The following PKNOX2 variants were observed in gnomAD, a reference collection of about 807,000 sequenced individuals.
The protein encoded by PKNOX2 is PBX/knotted 1 homeobox 2, also known as homeobox protein PKNOX2.
A neutral mutation model predicts 53.1 loss-of-function variants in PKNOX2; 14 were observed. That is an observed-to-expected ratio of 0.26 (90% CI 0.17 to 0.41). PKNOX2 has a LOEUF of 0.41. Among genes scored for constraint, PKNOX2 ranks in the 10% least tolerant of loss-of-function variants. The probability of loss-of-function intolerance (pLI) is 1.00; values close to 1 mark genes in which losing one functional copy is unlikely to be tolerated. For synonymous variants in PKNOX2, 257 were observed against 242.8 expected (o/e 1.06, Z -0.54); for missense variants, 496 against 602.8 (o/e 0.82, Z 1.85).
intron 3 of PKNOX2, among the ~76,000 whole-genome samples, chr11:125,347,415 TTGGTCTAA>T (rs1951037682): frequency 6.6e-6 from 1 of 152,244 alleles, no homozygotes; most frequent in Admixed American, 6.5e-5. Context: ...GGAATGTTAA[TTGGTCTAA>T]TGGGTTTCAT....
chr11:125,407,956 G>A (rs1459294420), intron 7 of PKNOX2, among the ~76,000 whole-genome samples: 1 of 152,170 alleles, frequency 6.6e-6, no homozygotes, highest in African/African-American at 2.4e-5. Context: ...CCACAGAAGG[G>A]TGGTGACGAG....
At chr11:125,216,732 CCCTCCCT>C (rs1379461831) in intron 1 of PKNOX2, among the ~76,000 whole-genome samples, 1 of 152,136 alleles carries the variant, frequency 6.6e-6, no homozygotes, top group African/African-American at 2.4e-5. Flanking sequence ...GGTGCTTCCT[CCCTCCCT>C]CCTCCCTCCT....
chr11:125,372,149 C>G (rs1216241980), intron 5 of PKNOX2, among the ~76,000 whole-genome samples: 1 of 152,134 alleles, frequency 6.6e-6, no homozygotes, highest in East Asian at 1.9e-4. Flanking sequence ...CATAAATATA[C>G]CATAGTTCTA....
At chr11:125,213,704 C>A (rs1009464481) in intron 1 of PKNOX2, among the ~76,000 whole-genome samples, 1 of 152,104 alleles carries the variant, frequency 6.6e-6, no homozygotes, top group Non-Finnish European at 1.5e-5. Context: ...GTGATCTGCC[C>A]GCCATGGCCT....
chr11:125,262,190 G>C (rs547339960), intron 2 of PKNOX2, among the ~76,000 whole-genome samples: 2 of 152,206 alleles, frequency 1.3e-5, no homozygotes, highest in South Asian at 2.1e-4. Context: ...AAGAGTAGGG[G>C]CCAGACAGTG....
At position 125,369,686 on chromosome 11, in the gene PKNOX2, C is replaced by T. The variant is rs558310018; in HGVS notation, c.227+1701C>T. On this transcript the variant is annotated intron_variant, in intron 5 of 12. Coordinates refer to ENST00000298282, the MANE Select transcript of PKNOX2 (RefSeq NM_001382323.2). ...GGTGGAGAAATGGGGTAGGAGAGGA[C>T]CTTCCAGGACCAGCCAGTGGCCAGA... Among the ~76,000 whole-genome samples the T allele has an allele frequency of 5.1e-4, 77 of 152,246 alleles. 4 individuals are homozygous for T. The highest frequency in any genetic ancestry group is 2.4e-4 in the African/African-American group (10 of 41,546).
intron 7 of PKNOX2, among the ~76,000 whole-genome samples, chr11:125,408,556 T>C (rs1955261538): frequency 6.6e-6 from 1 of 152,176 alleles, no homozygotes; most frequent in Admixed American, 6.5e-5. Context: ...TGCTTATTTA[T>C]AGGAAATACT....
At chr11:125,382,528 A>C (rs556060802) in intron 5 of PKNOX2, among the ~76,000 whole-genome samples, 3 of 152,298 alleles carry the variant, frequency 2.0e-5, no homozygotes, top group Admixed American at 2.0e-4. Context: ...TAATTGATCT[A>C]GTGGCTGTTT....
At chr11:125,191,515 T>C (rs1956876348) in intron 1 of PKNOX2, 1 of 151,902 alleles carries the variant, frequency 6.6e-6, no homozygotes, top group Non-Finnish European at 1.5e-5. Flanking sequence ...GTGGTGGGGG[T>C]GGCGGGTCAG....
Position 125,430,089 on chromosome 11 carries a change from C to T in PKNOX2, c.1140C>T (p.Ile380=), listed in dbSNP as rs200196787. Reference sequence around the variant, plus strand: ...CCCAAAGATTCTGGCCCAACTCCATCGCTGCGGGGGTGCTGCAGCAGCAGG... The same window carrying T: ...CCCAAAGATTCTGGCCCAACTCCATTGCTGCGGGGGTGCTGCAGCAGCAGG... ...RPTQRFWPNS[I]AAGVLQQQGG... is the part of the protein sequence containing the mutation. Residue 380 remains isoleucine (I), a synonymous_variant, in exon 12 of 13, where the codon ATC becomes ATT. Transcript: ENST00000298282. The T allele has an allele frequency of 8.9e-5, 144 of 1,614,190 alleles. No individual in the cohort carries two copies. Among genetic ancestry groups the T allele is most frequent in the Middle Eastern group, 6.6e-4 (4 of 6,058 alleles).
intron 2 of PKNOX2, among the ~76,000 whole-genome samples, chr11:125,274,378 T>C (rs141000386): frequency 6.6e-6 from 1 of 152,218 alleles, no homozygotes; most frequent in Non-Finnish European, 1.5e-5. Context: ...GCTGAGGGGT[T>C]GTGTTCCCTC....
In PKNOX2 at chr11:125,178,676, A is replaced by AG. The variant is rs1398624429; in HGVS notation, c.-201+13900_-201+13901insG. Among the ~76,000 whole-genome samples, 3 of 98,860 alleles carry AG rather than the reference A, an allele frequency of 3.0e-5. No homozygotes were observed. In the East Asian group the frequency reaches 9.2e-4, roughly 30 times the overall value. The allele number at this position is 98,860 out of a possible 152,430, so 64.9% of individuals were successfully genotyped here. A position where few individuals can be genotyped will look rare whatever the true frequency, so the allele number is the denominator to read the frequency against. ...AAGGAAGGAAGGAAGGAAGGAAAGAAAGAGAGAGAGAGAGAGAGAGAGAAA... is the reference window on the plus strand; with the variant it reads ...AAGGAAGGAAGGAAGGAAGGAAAGAAGAGAGAGAGAGAGAGAGAGAGAGAAA... On this transcript the variant is annotated intron_variant, in intron 1 of 12. Transcript: ENST00000298282.
At chr11:125,379,055 C>CTTTTTTTTT (rs35310311) in intron 5 of PKNOX2, among the ~76,000 whole-genome samples, 1 of 124,442 alleles carries the variant, frequency 8.0e-6, no homozygotes. Flanking sequence ...TTTTCTTTCT[C>CTTTTTTTTT]TTTTTTTTTT....
chr11:125,402,305 G>T (rs1954800111), intron 7 of PKNOX2, among the ~76,000 whole-genome samples: 1 of 152,126 alleles, frequency 6.6e-6, no homozygotes, highest in Non-Finnish European at 1.5e-5. Context: ...CAGGCTTCTT[G>T]TGGGGGCAGG....
chr11:125,249,770 T>A (rs1266719683), intron 2 of PKNOX2, among the ~76,000 whole-genome samples: 1 of 152,114 alleles, frequency 6.6e-6, no homozygotes, highest in East Asian at 1.9e-4. Flanking sequence ...GGCGACAAAA[T>A]TAAAATAAAA....
chr11:125,398,163 G>C, intron 7 of PKNOX2, 101 bp downstream of exon 7: 1 of 1,266,760 alleles, frequency 7.9e-7, no homozygotes, highest in Admixed American at 2.6e-5. Context: ...CACTGGGTTA[G>C]ACCCACTGGG....
intron 3 of PKNOX2, among the ~76,000 whole-genome samples, chr11:125,343,865 A>G (rs2136169515): frequency 6.6e-6 from 1 of 152,010 alleles, no homozygotes; most frequent in African/African-American, 2.4e-5. Flanking sequence ...AAATAGCTGA[A>G]CTGGGGACTC....
At chr11:125,431,129 GC>G (rs748914798) in intron 12 of PKNOX2, 36 bp from the exon 13 acceptor site, 1 of 1,601,366 alleles carries the variant, frequency 6.2e-7, no homozygotes. Context: ...CTGACCAGCA[GC>G]CCCTGCCTCG....
chr11:125,207,025 C>CG (rs11314422), intron 1 of PKNOX2, among the ~76,000 whole-genome samples: 3 of 119,302 alleles, frequency 2.5e-5, no homozygotes, highest in South Asian at 2.8e-4. Flanking sequence ...CTTCAGGTGG[C>CG]GGGGGGTGAG....
Sources: gnomAD v4.1 joint callset for allele counts (sites outside exome capture counted in the v4.1 genomes callset) on GRCh38, gnomAD v4.1.1 for gene constraint, MANE v1.5 for transcripts, NCBI Gene and HGNC (gene_info 2026-07-23, HGNC 2026-07-21) for gene names.